Variants in SDK1 observed in about 807,000 individuals in gnomAD.
SDK1 encodes sidekick cell adhesion molecule 1, also known as protein sidekick-1.
In SDK1, 157 loss-of-function variants were observed where a neutral mutation model predicts 245.5. The observed-to-expected ratio is 0.64, with a 90% CI of 0.56 to 0.73. The LOEUF (loss-of-function observed/expected upper bound fraction) is 0.73, where lower values mean the gene tolerates loss of function less well. Ranked by LOEUF, SDK1 falls within the 30% of genes least tolerant of loss-of-function variation. The probability of loss-of-function intolerance (pLI) is 0.00; values close to 1 mark genes in which losing one functional copy is unlikely to be tolerated. For missense variants in SDK1, 3,583 were observed against 3,002.3 expected (o/e 1.19, Z -4.52); for synonymous variants, 1,647 against 1,278.5 (o/e 1.29, Z -6.15).
chr7:3,611,983 G>A (rs1781608732), intron 1 of SDK1, among the ~76,000 whole-genome samples: 1 of 152,140 alleles, frequency 6.6e-6, no homozygotes, highest in African/African-American at 2.4e-5. Flanking sequence ...TATTCTAAGT[G>A]AAGTAACTGG....
rs570192725 is a variant in SDK1 at position 4,058,372 on chromosome 7, G to C, written c.2911+6542G>C. ...TATATGAGTCACCATAAAGGAATGA[G>C]TATTTGAATTTTTGATGTCCCAGAA... On this transcript the variant is annotated intron_variant, in intron 19 of 44. Coordinates refer to ENST00000404826, the MANE Select transcript of SDK1 (RefSeq NM_152744.4). Among the ~76,000 whole-genome samples, 20 of 152,268 alleles carry C rather than the reference G, an allele frequency of 1.3e-4. 2 individuals are homozygous for C. In the South Asian group the frequency reaches 4.1e-3, roughly 32 times the overall value.
intron 4 of SDK1, among the ~76,000 whole-genome samples, chr7:3,702,178 G>A (rs567943359): frequency 1.3e-5 from 2 of 152,046 alleles, no homozygotes; most frequent in East Asian, 3.9e-4. Context: ...CTCTGCAAGG[G>A]GATGAAAAGA....
chr7:3,638,893 G>A lies in SDK1; in HGVS notation c.459-111G>A, dbSNP rs961856123. 5 of 530,344 alleles carry A rather than the reference G, an allele frequency of 9.4e-6. No homozygotes were observed. The African/African-American group carries it at 9.5e-5, about 10-fold the overall frequency. The allele number at this position is 530,344 out of a possible 1,614,324, so 32.9% of individuals were successfully genotyped here. ...TTACCAAAAATAAAATATTTGTTGA[G>A]CATATACTAGATGAGATGCCAGTGC... On this transcript the variant is annotated intron_variant, in intron 2 of 44. Transcript: ENST00000404826.
At chr7:3,942,327 G>A (rs148689886) in intron 5 of SDK1, among the ~76,000 whole-genome samples, 1 of 152,176 alleles carries the variant, frequency 6.6e-6, no homozygotes, top group Non-Finnish European at 1.5e-5. Context: ...CAGCCCACCA[G>A]CAGGTAATGA....
chr7:3,935,443 C>G (rs1438816781), intron 5 of SDK1, among the ~76,000 whole-genome samples: 1 of 152,116 alleles, frequency 6.6e-6, no homozygotes, highest in Non-Finnish European at 1.5e-5. Flanking sequence ...GAAAAGGCAA[C>G]CTGTGGAATG....
At chr7:3,401,703 T>A (rs1452462726) in intron 1 of SDK1, among the ~76,000 whole-genome samples, 4 of 151,990 alleles carry the variant, frequency 2.6e-5, no homozygotes, top group African/African-American at 9.7e-5. Flanking sequence ...TTTTTTTTTA[T>A]TATGGAGATA....
intron 4 of SDK1, among the ~76,000 whole-genome samples, chr7:3,753,424 C>T (rs1031644803): frequency 7.9e-5 from 12 of 152,130 alleles, no homozygotes; most frequent in Non-Finnish European, 1.5e-5. Flanking sequence ...CTTTACAAAA[C>T]AAGAGAAGAT....
At chr7:4,044,190 C>T (rs546990086) in intron 17 of SDK1, among the ~76,000 whole-genome samples, 1 of 152,188 alleles carries the variant, frequency 6.6e-6, no homozygotes, top group Non-Finnish European at 1.5e-5. Context: ...ACGTTGGCGC[C>T]ATGGCTAGGA....
chr7:4,116,186 G>A (rs1022892598), intron 25 of SDK1, among the ~76,000 whole-genome samples: 3 of 152,178 alleles, frequency 2.0e-5, no homozygotes, highest in Middle Eastern at 3.2e-3. Flanking sequence ...GAGTGAGGAC[G>A]CAGATCAGCT....
At chr7:3,681,381 T>C (rs542723075) in intron 4 of SDK1, among the ~76,000 whole-genome samples, 87 of 152,226 alleles carry the variant, frequency 5.7e-4, no homozygotes, top group Non-Finnish European at 9.6e-4. Flanking sequence ...AGACTTTTCC[T>C]GATGAGATGA....
intron 42 of SDK1, 22 bp from the exon 43 acceptor site, chr7:4,241,759 ACACGTCTGTTCT>A: frequency 6.2e-7 from 1 of 1,613,364 alleles, no homozygotes; most frequent in Non-Finnish European, 8.5e-7. Context: ...CACACCAGTA[ACACGTCTGTTCT>A]CACTCTCCTG....
intron 5 of SDK1, among the ~76,000 whole-genome samples, chr7:3,825,454 G>A (rs949877837): frequency 2.0e-5 from 3 of 151,652 alleles, no homozygotes; most frequent in African/African-American, 7.3e-5. Flanking sequence ...AATGTCCAAT[G>A]TAATGAGATT....
At chr7:3,615,342 G>T (rs1209706411) in intron 1 of SDK1, among the ~76,000 whole-genome samples, 1 of 151,518 alleles carries the variant, frequency 6.6e-6, no homozygotes, top group Non-Finnish European at 1.5e-5. Flanking sequence ...AAGTACATAG[G>T]AAAAAGGAAA....
intron 17 of SDK1, among the ~76,000 whole-genome samples, chr7:4,043,136 T>G (rs952059111): frequency 6.7e-6 from 1 of 150,332 alleles, no homozygotes; most frequent in Non-Finnish European, 1.5e-5. Flanking sequence ...GTAGAGTGAG[T>G]GTCACAGCCA....
At chr7:3,535,814 C>A (rs191638852) in intron 1 of SDK1, among the ~76,000 whole-genome samples, 5 of 152,230 alleles carry the variant, frequency 3.3e-5, no homozygotes, top group Admixed American at 2.6e-4. Flanking sequence ...AATGGATCCT[C>A]ATAAGTTCTT....
intron 4 of SDK1, among the ~76,000 whole-genome samples, chr7:3,777,700 G>A (rs1780607665): frequency 1.3e-5 from 2 of 152,134 alleles, no homozygotes; most frequent in African/African-American, 4.8e-5. Context: ...AACTTCCCAT[G>A]CCACACCACA....
Position 4,011,646 on chromosome 7 carries a change from C to A in SDK1, c.2280-449C>A, listed in dbSNP as rs539496936. Among the ~76,000 whole-genome samples, 6 of 152,346 alleles carry A rather than the reference C, an allele frequency of 3.9e-5. No homozygotes were observed. The East Asian group carries it at 7.7e-4, about 20-fold the overall frequency. On this transcript the variant is annotated intron_variant, in intron 15 of 44. Transcript: ENST00000404826. ...CACATTTCAGCACACCTTCCCCAACCAACCTGAGCTTTCAGTGGGCTTGAC... is the reference window on the plus strand; with the variant it reads ...CACATTTCAGCACACCTTCCCCAACAAACCTGAGCTTTCAGTGGGCTTGAC...
chr7:3,304,979 C>T (rs1489698209), intron 1 of SDK1, among the ~76,000 whole-genome samples: 2 of 152,176 alleles, frequency 1.3e-5, no homozygotes, highest in African/African-American at 4.8e-5. Context: ...AACCACTGCT[C>T]TAATGGTTTT....
chr7:3,950,136 A>T (rs1003551501), intron 5 of SDK1, among the ~76,000 whole-genome samples: 5 of 152,262 alleles, frequency 3.3e-5, no homozygotes, highest in Admixed American at 1.3e-4. Flanking sequence ...CACACAACAC[A>T]CAGAGCAGTA....
Sources: allele counts gnomAD v4.1 joint callset (sites outside exome capture counted in the v4.1 genomes callset), GRCh38; gene constraint gnomAD v4.1.1; transcripts MANE v1.5; gene names NCBI Gene and HGNC (gene_info 2026-07-23, HGNC 2026-07-21).